The following PPP3CC variants were observed in gnomAD, a reference collection of about 807,000 sequenced individuals.
The protein encoded by PPP3CC is serine/threonine-protein phosphatase 2B catalytic subunit gamma isoform.
A neutral mutation model predicts 60.3 loss-of-function variants in PPP3CC; 35 were observed. The observed-to-expected ratio is 0.58, with a 90% CI of 0.44 to 0.77. The LOEUF (loss-of-function observed/expected upper bound fraction) is 0.77, where lower values mean the gene tolerates loss of function less well. PPP3CC is among the 30% of genes least tolerant of loss of function. The pLI, the probability that PPP3CC is intolerant of heterozygous loss-of-function variation, is 0.00. For missense variants in PPP3CC, 570 were observed against 628.9 expected (o/e 0.91, Z 1.00); for synonymous variants, 206 against 224.3 (o/e 0.92, Z 0.73).
In PPP3CC at chr8:22,526,743, A is replaced by C. The variant is rs79166967; in HGVS notation, c.944-649A>C. On this transcript the variant is annotated intron_variant, in intron 8 of 13. Transcript: ENST00000240139. Reference sequence around the variant, plus strand: ...TATAAAGAAAATCAGTTTGGCATCAAAGTATGTGTGCGACTATCTGAATGG... The same window carrying C: ...TATAAAGAAAATCAGTTTGGCATCACAGTATGTGTGCGACTATCTGAATGG... Among the ~76,000 whole-genome samples the C allele has an allele frequency of 7.4e-4, 112 of 152,332 alleles. 2 individuals are homozygous for C. The East Asian group carries it at 0.021, about 28-fold the overall frequency.
intron 6 of PPP3CC, among the ~76,000 whole-genome samples, chr8:22,514,162 C>G (rs1007675048): frequency 6.8e-6 from 1 of 147,376 alleles, no homozygotes; most frequent in Admixed American, 7.0e-5. Context: ...GCAAGAGAAT[C>G]ACTTGAACCT....
chr8:22,451,495 A>G (rs1284740937), intron 1 of PPP3CC, among the ~76,000 whole-genome samples: 1 of 152,204 alleles, frequency 6.6e-6, no homozygotes, highest in African/African-American at 2.4e-5. Context: ...ACATTCTCCA[A>G]AATCTGAAGC....
intron 6 of PPP3CC, among the ~76,000 whole-genome samples, chr8:22,520,143 A>G (rs763792585): frequency 9.2e-5 from 14 of 151,938 alleles, no homozygotes; most frequent in Admixed American, 2.6e-4. Flanking sequence ...CTTTGAATAT[A>G]TTATCTCCCG....
At chr8:22,471,892 T>C (rs1308942047) in intron 1 of PPP3CC, among the ~76,000 whole-genome samples, 1 of 152,154 alleles carries the variant, frequency 6.6e-6, no homozygotes, top group Non-Finnish European at 1.5e-5. Flanking sequence ...TTTGGGATGC[T>C]GAGGTCGGCA....
chr8:22,539,939 A>G (rs1839923445), intron 13 of PPP3CC, among the ~76,000 whole-genome samples: 1 of 152,256 alleles, frequency 6.6e-6, no homozygotes, highest in Non-Finnish European at 1.5e-5. Context: ...GCCCTAAGGT[A>G]GGCAAGTTAA....
At chr8:22,477,905 C>T (rs761763856) in intron 3 of PPP3CC, among the ~76,000 whole-genome samples, 1 of 152,164 alleles carries the variant, frequency 6.6e-6, no homozygotes, top group Admixed American at 6.5e-5. Context: ...GGCTAGAGTG[C>T]AATGGCACGA....
chr8:22,491,470 GCACT>G (rs1267083932), intron 3 of PPP3CC, among the ~76,000 whole-genome samples: 3 of 152,080 alleles, frequency 2.0e-5, no homozygotes, highest in African/African-American at 7.2e-5. Flanking sequence ...TTCAGCTCTT[GCACT>G]CACTCTTAGG....
intron 6 of PPP3CC, among the ~76,000 whole-genome samples, chr8:22,521,995 T>C (rs1194989551): frequency 6.6e-6 from 1 of 151,482 alleles, no homozygotes; most frequent in East Asian, 1.9e-4. Context: ...TATATACATA[T>C]ATATGTATAT....
In PPP3CC at chr8:22,458,110, C is replaced by A. The variant is rs577788464; in HGVS notation, c.49+16652C>A. Among the ~76,000 whole-genome samples, 3 of 151,348 alleles carry A rather than the reference C, an allele frequency of 2.0e-5. No individual in the cohort carries two copies. In the East Asian group the frequency reaches 5.9e-4, roughly 30 times the overall value. On this transcript the variant is annotated intron_variant, in intron 1 of 13. Coordinates refer to ENST00000240139, the MANE Select transcript of PPP3CC (RefSeq NM_005605.5). ...CCGTCGCACCAAAAAACAAAAAAAA[C>A]AAAAAAAACACACAAAAACAACTTG...
chr8:22,505,538 G>A (rs1054419290), intron 4 of PPP3CC, among the ~76,000 whole-genome samples: 10 of 152,080 alleles, frequency 6.6e-5, no homozygotes, highest in African/African-American at 2.4e-4. Flanking sequence ...GAAATACTAG[G>A]TAAATGTTAA....
intron 3 of PPP3CC, among the ~76,000 whole-genome samples, chr8:22,481,345 A>AAATAAT (rs56115827): frequency 0.06 from 8,565 of 143,892 alleles, 548 homozygotes; most frequent in African/African-American, 0.16. Context: ...CAAGAAAAAT[A>AAATAAT]AATAATAATA....
intron 1 of PPP3CC, among the ~76,000 whole-genome samples, chr8:22,445,174 C>T (rs987715146): frequency 6.6e-6 from 1 of 152,176 alleles, no homozygotes; most frequent in Non-Finnish European, 1.5e-5. Context: ...GCTACTGTTT[C>T]TTTAATATCG....
Position 22,540,600 on chromosome 8 carries a change from CCTGTTTTT to C in PPP3CC, c.1352-10_1352-3del. On this transcript the variant is annotated splice_polypyrimidine_tract_variant and splice_region_variant and intron_variant, in intron 13 of 13. Coordinates refer to ENST00000240139, the MANE Select transcript of PPP3CC (RefSeq NM_005605.5). ...CTAATTGAGCTCTCTCCACCTGCTT[CCTGTTTTT>C]CTGTAGCCATCAGAGGGTTCTCGCT... 1 of 1,607,360 alleles carries C rather than the reference CCTGTTTTT, an allele frequency of 6.2e-7. No individual in the cohort carries two copies. Among genetic ancestry groups the C allele is most frequent in the Non-Finnish European group, 8.5e-7 (1 of 1,176,970 alleles).
intron 1 of PPP3CC, among the ~76,000 whole-genome samples, chr8:22,441,907 G>T (rs1836685482): frequency 6.6e-6 from 1 of 152,144 alleles, no homozygotes; most frequent in South Asian, 2.1e-4. Context: ...GCTTTCTCTA[G>T]ATCATTGCAA....
In PPP3CC at chr8:22,527,453, C is replaced by A; in HGVS notation, c.1005C>A (p.His335Gln). 2 of 1,613,534 alleles carry A rather than the reference C, an allele frequency of 1.2e-6. No homozygotes were observed. The highest frequency in any genetic ancestry group is 2.2e-5 in the East Asian group (1 of 44,878). The stretch of plus-strand genomic sequence containing the variant: ...TCAGGCAGTTTAACTGTTCTCCACA[C>A]CCCTACTGGCTTCCAAACTTTATGG... Reference protein sequence around the residue: ...MNIRQFNCSPHPYWLPNFMDV... With the variant: ...MNIRQFNCSPQPYWLPNFMDV... The change falls in exon 9 of 14, where the codon CAC becomes CAA. Residue 335 changes from histidine (H) to glutamine (Q), a missense_variant. Physicochemically the swap from His to Gln is conservative, Grantham distance 24. Transcript: ENST00000240139.
In PPP3CC at chr8:22,441,454, C is replaced by G; in HGVS notation, c.45C>G (p.Ile15Met). ...RFHLSTTDRV[I>M]KAVPFPPTQR... Reference sequence around the variant, plus strand: ...ACCTCTCCACCACCGACCGCGTCATCAAAGGTGCCTGGCGGGCCGGGCCTT... The same window carrying G: ...ACCTCTCCACCACCGACCGCGTCATGAAAGGTGCCTGGCGGGCCGGGCCTT... The change falls in exon 1 of 14, where the codon ATC becomes ATG. Residue 15 changes from isoleucine (I) to methionine (M), a missense_variant. Coordinates refer to ENST00000240139, the MANE Select transcript of PPP3CC (RefSeq NM_005605.5). 3 of 1,544,734 alleles carry G rather than the reference C, an allele frequency of 1.9e-6. No individual in the cohort carries two copies. The highest frequency in any genetic ancestry group is 2.6e-6 in the Non-Finnish European group (3 of 1,145,076).
chr8:22,501,159 C>T (rs930978868), intron 4 of PPP3CC, among the ~76,000 whole-genome samples: 2 of 150,524 alleles, frequency 1.3e-5, no homozygotes, highest in Non-Finnish European at 3.0e-5. Context: ...GACCCTGTCT[C>T]AACAACAACA....
intron 3 of PPP3CC, among the ~76,000 whole-genome samples, chr8:22,482,838 C>T (rs1563721818): frequency 6.6e-6 from 1 of 152,096 alleles, no homozygotes; most frequent in Non-Finnish European, 1.5e-5. Context: ...AGCCAAGATA[C>T]AGTAGAGGAA....
chr8:22,525,544 C>CTCTCTCTCTCTCTCTTTCTT (rs1839534307), intron 8 of PPP3CC, among the ~76,000 whole-genome samples: 1 of 40,940 alleles, frequency 2.4e-5, no homozygotes, highest in Non-Finnish European at 4.8e-5. Context: ...CTTTCTCTCC[C>CTCTCTCTCTCTCTCTTTCTT]TCTCTCTCTC....
Sources: gnomAD v4.1 joint callset for allele counts (sites outside exome capture counted in the v4.1 genomes callset) on GRCh38, gnomAD v4.1.1 for gene constraint, MANE v1.5 for transcripts, NCBI Gene and HGNC (gene_info 2026-07-23, HGNC 2026-07-21) for gene names.